The following ZNF746 variants were observed in gnomAD, a reference collection of about 807,000 sequenced individuals.
ZNF746 encodes parkin-interacting substrate.
Under a neutral mutation model 41.0 loss-of-function variants are expected in ZNF746, and 13 were observed. That is an observed-to-expected ratio of 0.32 (90% CI 0.21 to 0.50). The LOEUF (loss-of-function observed/expected upper bound fraction) is 0.50, where lower values mean the gene tolerates loss of function less well. Ranked by LOEUF, ZNF746 falls within the 20% of genes least tolerant of loss-of-function variation. The pLI is 0.98. For synonymous variants in ZNF746, 424 were observed against 396.2 expected (o/e 1.07, Z -0.83); for missense variants, 811 against 922.9 (o/e 0.88, Z 1.57).
At chr7:149,487,057 C>T (rs541797026) in intron 4 of ZNF746, among the ~76,000 whole-genome samples, 15 of 152,274 alleles carry the variant, frequency 9.9e-5, no homozygotes, top group Admixed American at 4.6e-4. Flanking sequence ...TGAGCTACGC[C>T]TCCTGCCAGA....
chr7:149,478,902 TCAA>T (rs1585724366), intron 4 of ZNF746, among the ~76,000 whole-genome samples: 1 of 152,252 alleles, frequency 6.6e-6, no homozygotes, highest in African/African-American at 2.4e-5. Context: ...TGGCTCTGGC[TCAA>T]CAACAACAGA....
intron 4 of ZNF746, chr7:149,492,051 G>A (rs1800825767): frequency 1.4e-6 from 1 of 696,662 alleles, no homozygotes; most frequent in South Asian, 1.5e-5. Flanking sequence ...AACTGCTACT[G>A]GTTTAAATTA....
intron 4 of ZNF746, among the ~76,000 whole-genome samples, chr7:149,483,921 T>C (rs1044670354): frequency 5.3e-5 from 8 of 152,160 alleles, no homozygotes; most frequent in African/African-American, 7.2e-5. Context: ...TTAAAAGATA[T>C]AGAGGATATT....
Position 149,489,074 on chromosome 7 carries a change from A to G in ZNF746, c.565+3785T>C, listed in dbSNP as rs1229065432. The G allele has an allele frequency of 2.0e-5, 3 of 152,244 alleles. No individual in the cohort carries two copies. The East Asian group carries it at 5.8e-4, about 29-fold the overall frequency. 9.4% of individuals were successfully genotyped at this position (152,244 alleles called of 1,614,324 possible). A position where few individuals can be genotyped will look rare whatever the true frequency, so the allele number is the denominator to read the frequency against. The stretch of plus-strand genomic sequence containing the variant: ...GTGATAAATATAATGACATCTATGT[A>G]ATTTTTCAGAACACAAAAAACCGTA... On this transcript the variant is annotated intron_variant, in intron 4 of 6. Transcript: ENST00000458143.
chr7:149,487,613 C>T (rs1458528795), intron 4 of ZNF746: 1 of 151,952 alleles, frequency 6.6e-6, no homozygotes, highest in Admixed American at 6.6e-5. Flanking sequence ...AGAAACAAAC[C>T]ATTAGACATG....
At chr7:149,478,281 G>A (rs1213119574) in intron 4 of ZNF746, among the ~76,000 whole-genome samples, 2 of 152,198 alleles carry the variant, frequency 1.3e-5, no homozygotes, top group African/African-American at 4.8e-5. Context: ...GTCCATGTGA[G>A]GTTGGGAGTG....
chr7:149,483,785 T>C lies in ZNF746; in HGVS notation c.566-6030A>G, dbSNP rs188100255. Among the ~76,000 whole-genome samples the C allele has an allele frequency of 2.4e-3, 362 of 152,270 alleles. 3 individuals carry two copies. Among genetic ancestry groups the C allele is most frequent in the African/African-American group, 8.2e-3 (339 of 41,552 alleles). On this transcript the variant is annotated intron_variant, in intron 4 of 6. Coordinates refer to ENST00000458143, the MANE Select transcript of ZNF746 (RefSeq NM_001394198.1). ...AAGATAGAATATAGTTAGTCAAAGT[T>C]GGTTATTTGAAGAGACTGTTAAACC...
At chr7:149,479,634 T>C (rs753157943) in intron 4 of ZNF746, among the ~76,000 whole-genome samples, 1 of 152,168 alleles carries the variant, frequency 6.6e-6, no homozygotes, top group Non-Finnish European at 1.5e-5. Context: ...AAAAACAATA[T>C]AATCATCTCA....
In ZNF746 at chr7:149,496,836, C is replaced by T. The variant is rs569133235; in HGVS notation, c.24+677G>A. 4.1e-6 allele frequency: 4 copies of T among 985,454 alleles called. No homozygotes were observed. The East Asian group carries it at 4.5e-4, about 112-fold the overall frequency. The allele number at this position is 985,454 out of a possible 1,614,324, so 61.0% of individuals were successfully genotyped here. A position where few individuals can be genotyped will look rare whatever the true frequency, so the allele number is the denominator to read the frequency against. On this transcript the variant is annotated intron_variant, in intron 1 of 6. Transcript: ENST00000458143. ...TTCTGTTTTGCACGATTATTGCCCGCGTACCTGCCTGCCTGGTCCTTGAAC... is the reference window on the plus strand; with the variant it reads ...TTCTGTTTTGCACGATTATTGCCCGTGTACCTGCCTGCCTGGTCCTTGAAC...
intron 4 of ZNF746, among the ~76,000 whole-genome samples, chr7:149,487,188 C>T (rs1282003486): frequency 6.6e-6 from 1 of 152,180 alleles, no homozygotes; most frequent in Non-Finnish European, 1.5e-5. Context: ...ACCATGCTCC[C>T]GGTCCCCCAT....
Position 149,497,171 on chromosome 7 carries a change from G to C in ZNF746, c.24+342C>G. The C allele has an allele frequency of 5.1e-6, 5 of 985,342 alleles. No individual in the cohort carries two copies. The South Asian group carries it at 2.3e-4, about 46-fold the overall frequency. The allele number at this position is 985,342 out of a possible 1,614,324, so 61.0% of individuals were successfully genotyped here. On this transcript the variant is annotated intron_variant, in intron 1 of 6. Coordinates refer to ENST00000458143, the MANE Select transcript of ZNF746 (RefSeq NM_001394198.1). The surrounding 1 kb of genome is among the most constrained non-coding windows in gnomAD (Gnocchi z 4.2). ...ATGGAGAGGGACCTACAGGCCGAGCGCCAGGCAGAGAAAGGAGCCGCGGGT... is the reference window on the plus strand; with the variant it reads ...ATGGAGAGGGACCTACAGGCCGAGCCCCAGGCAGAGAAAGGAGCCGCGGGT...
rs200552187 is a variant in ZNF746, at chr7:149,485,776, A to G, written c.565+7083T>C. 5.3e-5 allele frequency among the ~76,000 whole-genome samples: 8 copies of G among 151,522 alleles called. No individual in the cohort carries two copies. The East Asian group carries it at 1.3e-3, about 26-fold the overall frequency. ...ACTAACAGGCCAGGCACAGTGGTTC[A>G]CGCCTGTAATCCCAGCACTTTGGGA... On this transcript the variant is annotated intron_variant, in intron 4 of 6. Coordinates refer to ENST00000458143, the MANE Select transcript of ZNF746 (RefSeq NM_001394198.1).
chr7:149,491,773 C>T (rs745526264), intron 4 of ZNF746: 86 of 653,862 alleles, frequency 1.3e-4, no homozygotes, highest in Middle Eastern at 4.0e-4. Context: ...GCAGGTGGGA[C>T]GGTCAAGGGC....
intron 3 of ZNF746, among the ~76,000 whole-genome samples, chr7:149,493,207 C>T (rs1294536181): frequency 6.6e-6 from 1 of 152,146 alleles, no homozygotes; most frequent in Non-Finnish European, 1.5e-5. Flanking sequence ...CCCTGAGAGG[C>T]CAGGGCTGCT....
rs187619386 is a variant in ZNF746, at chr7:149,478,777, G to T, written c.566-1022C>A. Among the ~76,000 whole-genome samples the T allele has an allele frequency of 5.9e-5, 9 of 152,292 alleles. No individual in the cohort carries two copies. In the East Asian group the frequency reaches 1.5e-3, roughly 26 times the overall value. ...TGTCTAAGATCATCAAAGAGATAAA[G>T]AACAGAATCTTTAAGGCAAGAACAG... On this transcript the variant is annotated intron_variant, in intron 4 of 6. Transcript: ENST00000458143.
chr7:149,494,904 A>G lies in ZNF746; in HGVS notation c.25-401T>C, dbSNP rs896427612. On this transcript the variant is annotated intron_variant, in intron 1 of 6. Transcript: ENST00000458143. This position sits in a 1 kb window ranked among gnomAD's most constrained non-coding sequence, Gnocchi z 5.6. The stretch of plus-strand genomic sequence containing the variant: ...TTAGCATTGCTGGGCATTTTAGTGG[A>G]GAAATGGTAAACTGCAGATTTACTA... Among the ~76,000 whole-genome samples, 7 of 151,848 alleles carry G rather than the reference A, an allele frequency of 4.6e-5. No homozygotes were observed. Among genetic ancestry groups the G allele is most frequent in the African/African-American group, 1.5e-4 (6 of 41,316 alleles).
At chr7:149,485,680 C>G (rs777156350) in intron 4 of ZNF746, among the ~76,000 whole-genome samples, 8 of 151,786 alleles carry the variant, frequency 5.3e-5, no homozygotes, top group Non-Finnish European at 1.0e-4. Context: ...TTAAAATATA[C>G]CACAAATGGA....
intron 4 of ZNF746, among the ~76,000 whole-genome samples, chr7:149,479,430 T>C (rs1800419517): frequency 6.6e-6 from 1 of 152,196 alleles, no homozygotes; most frequent in African/African-American, 2.4e-5. Context: ...ACTAGAGGGG[T>C]AGTATATGAA....
intron 6 of ZNF746, 114 bp downstream of exon 6, chr7:149,476,808 A>T: frequency 7.1e-7 from 1 of 1,405,206 alleles, no homozygotes; most frequent in Non-Finnish European, 1.0e-6. Flanking sequence ...CAGACACCCT[A>T]ATGTCTGTTG....
Sources: gnomAD v4.1 joint callset for allele counts (sites outside exome capture counted in the v4.1 genomes callset) on GRCh38, gnomAD v4.1.1 for gene constraint, Gnocchi (gnomAD v3.1) non-coding constraint, MANE v1.5 for transcripts, NCBI Gene and HGNC (gene_info 2026-07-23, HGNC 2026-07-21) for gene names.